The following RASEF variants were observed in gnomAD, a reference collection of about 807,000 sequenced individuals.
The protein encoded by RASEF is RAS and EF-hand domain containing.
Under a neutral mutation model 90.1 loss-of-function variants are expected in RASEF, and 68 were observed. That is an observed-to-expected ratio of 0.75 (90% CI 0.62 to 0.92). The LOEUF (loss-of-function observed/expected upper bound fraction) is 0.92. Among genes scored for constraint, RASEF ranks in the 40% least tolerant of loss-of-function variants. The pLI, the probability that RASEF is intolerant of heterozygous loss-of-function variation, is 0.00. For missense variants in RASEF, 949 were observed against 937.2 expected, an observed-to-expected ratio of 1.01 and a Z score of -0.16; for synonymous variants, 331 against 345.2, an observed-to-expected ratio of 0.96 and a Z score of 0.46.
At chr9:83,081,618 T>C in the RASEF span, among the ~76,000 whole-genome samples, 2 of 152,200 alleles carry the variant, frequency 1.3e-5, no homozygotes, top group South Asian at 2.1e-4. Flanking sequence ...GTAATACATT[T>C]CTCTCAAATG....
intron 1 of RASEF, among the ~76,000 whole-genome samples, chr9:83,033,222 A>G (rs1043376722): frequency 1.3e-5 from 2 of 152,248 alleles, no homozygotes; most frequent in African/African-American, 4.8e-5. Flanking sequence ...AACATGAGAC[A>G]TGAAAACATG....
chr9:83,217,063 G>T, the RASEF span, among the ~76,000 whole-genome samples: 2 of 152,088 alleles, frequency 1.3e-5, no homozygotes, highest in African/African-American at 4.8e-5. Flanking sequence ...GAGGCATAAA[G>T]TCAAAGGAGA....
chr9:83,106,972 C>T, the RASEF span, among the ~76,000 whole-genome samples: 2 of 152,166 alleles, frequency 1.3e-5, no homozygotes, highest in East Asian at 3.9e-4. Flanking sequence ...TGTTCTCTGG[C>T]CTTGCACTGC....
intron 3 of RASEF, among the ~76,000 whole-genome samples, chr9:83,017,256 C>T (rs377360315): frequency 3.4e-5 from 5 of 148,272 alleles, no homozygotes; most frequent in East Asian, 2.0e-4. Context: ...GAGGCCGAGG[C>T]GGGTGGATCA....
the RASEF span, among the ~76,000 whole-genome samples, chr9:83,125,765 G>A: frequency 6.6e-6 from 1 of 152,170 alleles, no homozygotes; most frequent in South Asian, 2.1e-4. Flanking sequence ...CACAGATAAG[G>A]TTTGGAAAAG....
Position 83,062,651 on chromosome 9 carries a change from C to T in RASEF, c.217G>A (p.Gly73Arg), listed in dbSNP as rs1237224043. 3 of 1,561,944 alleles carry T rather than the reference C, an allele frequency of 1.9e-6. No individual in the cohort carries two copies. Among genetic ancestry groups the T allele is most frequent in the Non-Finnish European group, 1.7e-6 (2 of 1,161,112 alleles). The change falls in exon 1 of 17, where the codon GGG becomes AGG. Residue 73 changes from glycine to arginine, a missense_variant. Coordinates refer to ENST00000376447, the MANE Select transcript of RASEF (RefSeq NM_152573.4). ...TFQEFARGFL[G>R]SLRGGRRRDW... is the part of the protein sequence containing the mutation. ...CGGCGCCGCCCCCCGCGGAGGGACC[C>T]GAGGAAGCCACGCGCGAACTCCTGG... is the stretch of plus-strand genomic sequence containing the variant.
chr9:83,120,068 A>T, the RASEF span, among the ~76,000 whole-genome samples: 1 of 152,164 alleles, frequency 6.6e-6, no homozygotes, highest in East Asian at 1.9e-4. Context: ...TCTGCATTTG[A>T]CATATATTGA....
At chr9:83,009,069 T>G (rs551994047) in intron 6 of RASEF, among the ~76,000 whole-genome samples, 1 of 150,952 alleles carries the variant, frequency 6.6e-6, no homozygotes, top group South Asian at 2.1e-4. Context: ...TAATTCTGAT[T>G]AAAGTTTGCA....
intron 1 of RASEF, among the ~76,000 whole-genome samples, chr9:83,038,303 T>G (rs1231118960): frequency 2.0e-5 from 3 of 152,106 alleles, no homozygotes; most frequent in Non-Finnish European, 4.4e-5. Flanking sequence ...AAAAAGAATT[T>G]ACGATATCCT....
the RASEF span, among the ~76,000 whole-genome samples, chr9:83,156,229 G>A: frequency 6.6e-6 from 1 of 152,150 alleles, no homozygotes; most frequent in African/African-American, 2.4e-5. Context: ...TGGAGTTTGT[G>A]TTCCCTCCTC....
the RASEF span, among the ~76,000 whole-genome samples, chr9:83,154,117 G>A: frequency 6.6e-6 from 1 of 152,194 alleles, no homozygotes; most frequent in African/African-American, 2.4e-5. Flanking sequence ...AGTAAATTAA[G>A]ATAGCAGACC....
At chr9:83,081,290 CA>C in the RASEF span, among the ~76,000 whole-genome samples, 2 of 152,174 alleles carry the variant, frequency 1.3e-5, no homozygotes, top group African/African-American at 4.8e-5. Flanking sequence ...AGCATGAAAT[CA>C]GTCTTTTTCT....
intron 1 of RASEF, among the ~76,000 whole-genome samples, chr9:83,028,694 G>A (rs1446506302): frequency 6.6e-6 from 1 of 152,192 alleles, no homozygotes; most frequent in African/African-American, 2.4e-5. Context: ...GTAGCGAGTA[G>A]TCACCATATT....
intron 1 of RASEF, among the ~76,000 whole-genome samples, chr9:83,061,695 G>A (rs1017008156): frequency 2.0e-5 from 3 of 152,144 alleles, no homozygotes; most frequent in African/African-American, 7.2e-5. Flanking sequence ...GACTTGACAC[G>A]TTATTTCTGT....
At chr9:83,158,198 A>G in the RASEF span, among the ~76,000 whole-genome samples, 2 of 152,194 alleles carry the variant, frequency 1.3e-5, no homozygotes, top group Non-Finnish European at 2.9e-5. Flanking sequence ...TATTTCAATA[A>G]GGATTATTTT....
In RASEF at chr9:83,057,719, G is replaced by A. The variant is rs566636155; in HGVS notation, c.431+4718C>T. On this transcript the variant is annotated intron_variant, in intron 1 of 16. Transcript: ENST00000376447. The stretch of plus-strand genomic sequence containing the variant: ...GGACTTGGGTGTAGCCCACCACCAT[G>A]TTGCAAAGCTAGAACACATCTTCTC... 5.9e-5 allele frequency among the ~76,000 whole-genome samples: 9 copies of A among 152,070 alleles called. No homozygotes were observed. In the East Asian group the frequency reaches 1.5e-3, roughly 26 times the overall value.
the RASEF span, among the ~76,000 whole-genome samples, chr9:83,127,479 G>GA: frequency 1.3e-5 from 2 of 151,898 alleles, no homozygotes; most frequent in South Asian, 4.2e-4. Context: ...TGAAGAGAGA[G>GA]AAAAAAAGAA....
chr9:83,133,085 TCTGA>T, the RASEF span, among the ~76,000 whole-genome samples: 1 of 152,198 alleles, frequency 6.6e-6, no homozygotes, highest in African/African-American at 2.4e-5. Flanking sequence ...CTCTGGCTCT[TCTGA>T]CTATCTTACT....
the RASEF span, among the ~76,000 whole-genome samples, chr9:83,165,242 G>A: frequency 6.6e-6 from 1 of 151,988 alleles, no homozygotes; most frequent in Non-Finnish European, 1.5e-5. Context: ...ACCAAAAACA[G>A]ATCATATTCT....
Sources: allele counts gnomAD v4.1 joint callset (sites outside exome capture counted in the v4.1 genomes callset), GRCh38; gene constraint gnomAD v4.1.1; transcripts MANE v1.5; gene names NCBI Gene and HGNC (gene_info 2026-07-23, HGNC 2026-07-21).